Variants in MKLN1 observed in about 807,000 individuals in gnomAD.
MKLN1 encodes muskelin 1.
A neutral mutation model predicts 99.0 loss-of-function variants in MKLN1; 18 were observed. The observed-to-expected ratio is 0.18, with a 90% CI of 0.13 to 0.27. The LOEUF (loss-of-function observed/expected upper bound fraction) is 0.27. Among genes scored for constraint, MKLN1 ranks in the 10% least tolerant of loss-of-function variants. The pLI, the probability that MKLN1 is intolerant of heterozygous loss-of-function variation, is 1.00. For missense variants in MKLN1, 621 were observed against 875.9 expected (o/e 0.71, Z 3.67); for synonymous variants, 288 against 293.2 (o/e 0.98, Z 0.18).
At chr7:131,226,027 C>A (rs1385982154) in intron 3 of MKLN1, among the ~76,000 whole-genome samples, 1 of 151,670 alleles carries the variant, frequency 6.6e-6, no homozygotes, top group Non-Finnish European at 1.5e-5. Flanking sequence ...GCCTGCCTTC[C>A]CCCCTCCCTC....
Position 131,292,546 on chromosome 7 carries a change from T to C in MKLN1, c.-178-82878T>C, listed in dbSNP as rs376818240. 4.0e-4 allele frequency among the ~76,000 whole-genome samples: 61 copies of C among 152,318 alleles called. No individual in the cohort carries two copies. In the East Asian group the frequency reaches 7.7e-3, roughly 19 times the overall value. On this transcript the variant is annotated intron_variant, in intron 3 of 7. Coordinates refer to the MKLN1 transcript ENST00000416992. ...TGGGCTCCTAATCCAATCTGACTGC[T>C]GTCCTTATAAGAAGACCAGGGAGAA... is the stretch of plus-strand genomic sequence containing the variant.
chr7:131,171,750 G>A lies in MKLN1; in HGVS notation c.-297+28809G>A, dbSNP rs150588967. Among the ~76,000 whole-genome samples, 537 of 152,250 alleles carry A rather than the reference G, an allele frequency of 3.5e-3. 4 individuals are homozygous for A. The highest frequency in any genetic ancestry group is 0.012 in the African/African-American group (501 of 41,526). On this transcript the variant is annotated intron_variant, in intron 2 of 7. Coordinates refer to the MKLN1 transcript ENST00000416992. ...TGGGATTACAGGCATGAGCCACCTC[G>A]CCTAGCCTGTTTGAATATTTTTCTA...
intron 3 of MKLN1, among the ~76,000 whole-genome samples, chr7:131,270,823 A>T (rs1486532354): frequency 6.6e-6 from 1 of 151,998 alleles, no homozygotes; most frequent in Non-Finnish European, 1.5e-5. Context: ...ATATTTATAT[A>T]AATAGCTTAT....
At chr7:131,442,407 C>T (rs1795864386) in intron 10 of MKLN1, among the ~76,000 whole-genome samples, 3 of 152,096 alleles carry the variant, frequency 2.0e-5, no homozygotes, top group South Asian at 2.1e-4. Context: ...ATTATCCTGG[C>T]GTGGTGGCAT....
intron 6 of MKLN1, among the ~76,000 whole-genome samples, chr7:131,402,848 T>A (rs999757519): frequency 6.6e-6 from 1 of 152,174 alleles, no homozygotes; most frequent in Non-Finnish European, 1.5e-5. Context: ...TGTACACAGA[T>A]GTGCTGTCAT....
chr7:131,309,345 C>G (rs1798520682), intron 3 of MKLN1, among the ~76,000 whole-genome samples: 1 of 152,002 alleles, frequency 6.6e-6, no homozygotes, highest in Non-Finnish European at 1.5e-5. Flanking sequence ...AGGATTGCAA[C>G]TTAGTAACAT....
chr7:131,410,298 GTTAA>G (rs1794837787), intron 6 of MKLN1, among the ~76,000 whole-genome samples: 1 of 152,066 alleles, frequency 6.6e-6, no homozygotes, highest in African/African-American at 2.4e-5. Context: ...TGTGATTTTG[GTTAA>G]GTTTCTTACT....
At chr7:131,438,867 A>T (rs1795748113) in intron 10 of MKLN1, among the ~76,000 whole-genome samples, 1 of 152,130 alleles carries the variant, frequency 6.6e-6, no homozygotes, top group South Asian at 2.1e-4. Flanking sequence ...CTTATCTAGG[A>T]CATAGAACCC....
At chr7:131,393,460 A>G (rs764418886) in intron 4 of MKLN1, among the ~76,000 whole-genome samples, 1 of 152,224 alleles carries the variant, frequency 6.6e-6, no homozygotes, top group Non-Finnish European at 1.5e-5. Flanking sequence ...TGTAATATAT[A>G]TGCCCATTGG....
chr7:131,370,578 G>C (rs1010277663), intron 1 of MKLN1, among the ~76,000 whole-genome samples: 4 of 151,350 alleles, frequency 2.6e-5, no homozygotes, highest in African/African-American at 9.7e-5. Flanking sequence ...CAAATAGTTG[G>C]CAGTCAGCAA....
At chr7:131,416,379 G>A (rs1195906516) in intron 8 of MKLN1, among the ~76,000 whole-genome samples, 2 of 152,022 alleles carry the variant, frequency 1.3e-5, no homozygotes, top group Non-Finnish European at 1.5e-5. Context: ...CATGAAATTC[G>A]AAAACAGAAA....
intron 1 of MKLN1, among the ~76,000 whole-genome samples, chr7:131,355,578 A>G (rs1441581759): frequency 6.8e-6 from 1 of 147,872 alleles, no homozygotes; most frequent in Non-Finnish European, 1.5e-5. Flanking sequence ...TATATCTTCT[A>G]ACTGCTTTTC....
At chr7:131,235,230 G>C (rs2129558) in intron 3 of MKLN1, among the ~76,000 whole-genome samples, 113,191 of 151,722 alleles carry the variant, frequency 0.75, 42,706 homozygotes, top group South Asian at 0.83. Context: ...CTTTCTCTCT[G>C]TGTCTCTCTC....
chr7:131,314,282 G>A (rs989450694), intron 3 of MKLN1, among the ~76,000 whole-genome samples: 3 of 152,196 alleles, frequency 2.0e-5, no homozygotes, highest in African/African-American at 7.2e-5. Flanking sequence ...ACACTCCACA[G>A]GAAGACAGAA....
chr7:131,348,639 T>C (rs1799630102), intron 1 of MKLN1, among the ~76,000 whole-genome samples: 1 of 152,122 alleles, frequency 6.6e-6, no homozygotes, highest in African/African-American at 2.4e-5. Flanking sequence ...CCATGGGACT[T>C]AGGGCATTGG....
chr7:131,217,651 T>G (rs1344119988), intron 3 of MKLN1, among the ~76,000 whole-genome samples: 1 of 152,204 alleles, frequency 6.6e-6, no homozygotes, highest in Non-Finnish European at 1.5e-5. Context: ...TGAGCCGAGA[T>G]CGTGCCATGG....
chr7:131,139,801 A>G (rs1347150632), intron 1 of MKLN1, among the ~76,000 whole-genome samples: 1 of 152,208 alleles, frequency 6.6e-6, no homozygotes, highest in African/African-American at 2.4e-5. Flanking sequence ...AAGAAGAGTT[A>G]GGAGGAGGAC....
chr7:131,400,674 A>T (rs1794513893), intron 6 of MKLN1, among the ~76,000 whole-genome samples: 1 of 151,830 alleles, frequency 6.6e-6, no homozygotes, highest in Non-Finnish European at 1.5e-5. Context: ...GTGAAGGGAA[A>T]GCAAAACAAC....
At chr7:131,142,312 G>GA (rs2116261248) in intron 1 of MKLN1, among the ~76,000 whole-genome samples, 1 of 151,994 alleles carries the variant, frequency 6.6e-6, no homozygotes, top group Admixed American at 6.6e-5. Flanking sequence ...TCGGGGGGCT[G>GA]AAGCAAGAGA....
Sources: gnomAD v4.1 joint callset for allele counts (sites outside exome capture counted in the v4.1 genomes callset) on GRCh38, gnomAD v4.1.1 for gene constraint, MANE v1.5 for transcripts, NCBI Gene and HGNC (gene_info 2026-07-23, HGNC 2026-07-21) for gene names.